The following SYT16 variants were observed in gnomAD, a reference collection of about 807,000 sequenced individuals.
The protein encoded by SYT16 is synaptotagmin-16.
Under a neutral mutation model 61.4 loss-of-function variants are expected in SYT16, and 42 were observed. The ratio of observed to expected loss-of-function variants is 0.68; its 90% CI spans 0.53 to 0.89. The LOEUF is 0.89. Ranked by LOEUF, SYT16 falls within the 40% of genes least tolerant of loss-of-function variation. SYT16 has a pLI of 0.00. For missense variants in SYT16, 804 were observed against 807.3 expected, an observed-to-expected ratio of 1.00 and a Z score of 0.05; for synonymous variants, 314 against 302.3, an observed-to-expected ratio of 1.04 and a Z score of -0.40.
intron 1 of SYT16, among the ~76,000 whole-genome samples, chr14:61,962,466 T>C (rs1297809187): frequency 6.6e-6 from 1 of 152,146 alleles, no homozygotes; most frequent in Non-Finnish European, 1.5e-5. Context: ...TTTTGACAGT[T>C]TAATTCTAAT....
intron 4 of SYT16, among the ~76,000 whole-genome samples, chr14:62,073,330 C>T (rs1055101714): frequency 6.6e-6 from 1 of 152,156 alleles, no homozygotes; most frequent in African/African-American, 2.4e-5. Context: ...CTGGGTTCTA[C>T]ACATGTTGAT....
chr14:62,087,062 C>T (rs1186213485), intron 7 of SYT16, among the ~76,000 whole-genome samples: 1 of 152,172 alleles, frequency 6.6e-6, no homozygotes, highest in Non-Finnish European at 1.5e-5. Context: ...ATGTCGACGG[C>T]CTTGGTTTTT....
At chr14:61,953,122 G>T (rs542737461) in intron 1 of SYT16, among the ~76,000 whole-genome samples, 2 of 152,074 alleles carry the variant, frequency 1.3e-5, no homozygotes, top group Non-Finnish European at 2.9e-5. Context: ...AACTTGTTCT[G>T]TTTTAATTTT....
chr14:61,940,852 A>G (rs1009818932), intron 1 of SYT16, among the ~76,000 whole-genome samples: 1 of 151,952 alleles, frequency 6.6e-6, no homozygotes, highest in African/African-American at 2.4e-5. Flanking sequence ...TGAGAACCGG[A>G]ATGGTTGACA....
chr14:61,970,163 T>C lies in SYT16; in HGVS notation c.-293T>C, dbSNP rs982172039. On this transcript the variant is annotated 5_prime_UTR_variant, in exon 2 of 8. Transcript: ENST00000683842. ...CTGAAGCCATTGGCTTCTTGTCTGC[T>C]GTTGGGGTCTTTATTGTTCTTCTGG... 1 of 152,274 alleles carries C rather than the reference T, an allele frequency of 6.6e-6. No homozygotes were observed. Among genetic ancestry groups the C allele is most frequent in the Non-Finnish European group, 1.5e-5 (1 of 68,054 alleles). 9.4% of individuals were successfully genotyped at this position (152,274 alleles called of 1,614,324 possible). A position where few individuals can be genotyped will look rare whatever the true frequency, so the allele number is the denominator to read the frequency against.
chr14:62,098,217 TTGAC>T (rs1244065799), intron 7 of SYT16, among the ~76,000 whole-genome samples: 5 of 152,246 alleles, frequency 3.3e-5, no homozygotes, highest in African/African-American at 7.2e-5. Flanking sequence ...TTTAAAAAGT[TTGAC>T]TGGTCGTTAG....
intron 1 of SYT16, among the ~76,000 whole-genome samples, chr14:61,899,646 T>C (rs1487183910): frequency 6.6e-6 from 1 of 152,198 alleles, no homozygotes; most frequent in Non-Finnish European, 1.5e-5. Flanking sequence ...AGATGACTGA[T>C]TCTGGTGGAA....
At chr14:61,886,880 C>CTTTTTTTTTTTTTTTTTTT (rs371140698) in intron 1 of SYT16, among the ~76,000 whole-genome samples, 8 of 110,824 alleles carry the variant, frequency 7.2e-5, no homozygotes, top group East Asian at 2.8e-4. Flanking sequence ...TTTTTTTTGT[C>CTTTTTTTTTTTTTTTTTTT]TTTTTTTTTT....
At chr14:62,094,173 C>T (rs1361672872) in intron 7 of SYT16, among the ~76,000 whole-genome samples, 1 of 152,142 alleles carries the variant, frequency 6.6e-6, no homozygotes, top group African/African-American at 2.4e-5. Flanking sequence ...AAAGACCACA[C>T]TGTTAATTTG....
At chr14:61,976,142 A>G (rs2051784875) in intron 2 of SYT16, among the ~76,000 whole-genome samples, 3 of 152,178 alleles carry the variant, frequency 2.0e-5, no homozygotes, top group African/African-American at 7.2e-5. Context: ...CTTTGACTCC[A>G]TGTCTCGCAT....
At chr14:62,055,008 T>C (rs560339189) in intron 3 of SYT16, among the ~76,000 whole-genome samples, 8 of 151,872 alleles carry the variant, frequency 5.3e-5, no homozygotes, top group African/African-American at 1.9e-4. Context: ...AAAATCTTTC[T>C]AGTCAGAGAA....
chr14:61,867,019 G>T (rs184368016), intron 1 of SYT16, among the ~76,000 whole-genome samples: 1 of 151,144 alleles, frequency 6.6e-6, no homozygotes, highest in African/African-American at 2.4e-5. Flanking sequence ...ATCCTTTCCC[G>T]GTTGCATTAT....
At chr14:62,091,053 T>C (rs1356683925) in intron 7 of SYT16, among the ~76,000 whole-genome samples, 1 of 152,172 alleles carries the variant, frequency 6.6e-6, no homozygotes, top group Non-Finnish European at 1.5e-5. Context: ...CAATTCAAGA[T>C]GAGATTTGGC....
intron 1 of SYT16, among the ~76,000 whole-genome samples, chr14:61,902,935 C>T (rs1053214780): frequency 1.3e-5 from 2 of 152,214 alleles, no homozygotes; most frequent in South Asian, 2.1e-4. Context: ...CCAAGTCCCT[C>T]CCACAACACG....
chr14:62,012,589 A>G (rs961908729), intron 3 of SYT16, among the ~76,000 whole-genome samples: 1 of 152,048 alleles, frequency 6.6e-6, no homozygotes, highest in African/African-American at 2.4e-5. Context: ...AATGGGGCTC[A>G]GGGGGGACTA....
At chr14:62,042,149 G>A (rs61612833) in intron 3 of SYT16, among the ~76,000 whole-genome samples, 3,501 of 151,894 alleles carry the variant, frequency 0.023, 137 homozygotes, top group African/African-American at 0.08. Flanking sequence ...TATCTTTTCT[G>A]CATCCCTAAA....
chr14:61,892,101 C>G (rs930021374), intron 1 of SYT16, among the ~76,000 whole-genome samples: 2 of 152,002 alleles, frequency 1.3e-5, no homozygotes, highest in Non-Finnish European at 2.9e-5. Flanking sequence ...CACTTACTCC[C>G]CTTTCTGCAT....
At chr14:62,085,780 C>T (rs765883608) in intron 7 of SYT16, among the ~76,000 whole-genome samples, 4 of 152,210 alleles carry the variant, frequency 2.6e-5, no homozygotes, top group Non-Finnish European at 4.4e-5. Context: ...CTCAGAGCCA[C>T]ATGAGGGCTA....
At chr14:61,873,899 G>T (rs557560449) in intron 1 of SYT16, among the ~76,000 whole-genome samples, 1 of 152,164 alleles carries the variant, frequency 6.6e-6, no homozygotes, top group Middle Eastern at 3.2e-3. Context: ...TAAAATTTTC[G>T]TATGTATTGT....
Sources: allele counts gnomAD v4.1 joint callset (sites outside exome capture counted in the v4.1 genomes callset), GRCh38; gene constraint gnomAD v4.1.1; transcripts MANE v1.5; gene names NCBI Gene and HGNC (gene_info 2026-07-23, HGNC 2026-07-21).